Variants in ABLIM1 observed in about 807,000 individuals in gnomAD.
ABLIM1 encodes actin-binding LIM protein 1.
A neutral mutation model predicts 107.0 loss-of-function variants in ABLIM1; 40 were observed. The ratio of observed to expected loss-of-function variants is 0.37; its 90% confidence interval spans 0.29 to 0.49. The LOEUF (loss-of-function observed/expected upper bound fraction) is 0.49, where lower values mean the gene tolerates loss of function less well. Ranked by LOEUF, ABLIM1 falls within the 20% of genes least tolerant of loss-of-function variation. The probability of loss-of-function intolerance (pLI) is 0.97; values close to 1 mark genes in which losing one functional copy is unlikely to be tolerated. For synonymous variants in ABLIM1, 357 were observed against 357.3 expected (o/e 1.00, Z 0.01); for missense variants, 857 against 1,008.5 (o/e 0.85, Z 2.04).
At chr10:114,646,605 G>A (rs2079021996) in intron 1 of ABLIM1, among the ~76,000 whole-genome samples, 1 of 152,204 alleles carries the variant, frequency 6.6e-6, no homozygotes, top group Non-Finnish European at 1.5e-5. Flanking sequence ...CAAACGGTAT[G>A]AAGATTCAAA....
chr10:114,730,294 A>C (rs2082045028), intron 1 of ABLIM1, among the ~76,000 whole-genome samples: 1 of 149,752 alleles, frequency 6.7e-6, no homozygotes, highest in South Asian at 2.1e-4. Flanking sequence ...GCTACTCAGG[A>C]GGCTGAGGCA....
At chr10:114,799,245 G>A in the ABLIM1 span, among the ~76,000 whole-genome samples, 8 of 152,126 alleles carry the variant, frequency 5.3e-5, no homozygotes, top group Admixed American at 5.2e-4. Context: ...AGTACCTCTG[G>A]GTCATTCCTT....
intron 12 of ABLIM1, among the ~76,000 whole-genome samples, chr10:114,464,417 C>G (rs997449165): frequency 2.0e-5 from 3 of 152,058 alleles, no homozygotes; most frequent in Non-Finnish European, 4.4e-5. Flanking sequence ...AACTCTTGAC[C>G]TCAGGTGATC....
At chr10:114,605,487 T>C (rs955786859) in intron 1 of ABLIM1, among the ~76,000 whole-genome samples, 6 of 152,182 alleles carry the variant, frequency 3.9e-5, no homozygotes, top group Admixed American at 1.3e-4. Context: ...AGAGTTTACA[T>C]TCCTTGCCCA....
chr10:114,742,002 A>T (rs891372262), intron 1 of ABLIM1, among the ~76,000 whole-genome samples: 1 of 152,212 alleles, frequency 6.6e-6, no homozygotes, highest in African/African-American at 2.4e-5. Context: ...AACAAAACAT[A>T]AGTACAGAAT....
chr10:114,705,565 G>C (rs2081403889), intron 1 of ABLIM1, among the ~76,000 whole-genome samples: 1 of 152,164 alleles, frequency 6.6e-6, no homozygotes, highest in Non-Finnish European at 1.5e-5. Context: ...AGATGGTTTG[G>C]GGATGGGCAA....
At chr10:114,738,531 G>A (rs1591917520) in intron 1 of ABLIM1, among the ~76,000 whole-genome samples, 1 of 152,056 alleles carries the variant, frequency 6.6e-6, no homozygotes, top group East Asian at 1.9e-4. Flanking sequence ...ATTCAATTAA[G>A]GAGAAAAAAT....
chr10:114,646,254 A>G (rs772260120), intron 1 of ABLIM1, among the ~76,000 whole-genome samples: 15 of 152,184 alleles, frequency 9.9e-5, no homozygotes, highest in Non-Finnish European at 1.8e-4. Context: ...GCATTTACCA[A>G]TATGCTTCAT....
chr10:114,556,942 C>T (rs150659310), intron 4 of ABLIM1, among the ~76,000 whole-genome samples: 6 of 152,258 alleles, frequency 3.9e-5, no homozygotes, highest in East Asian at 3.9e-4. Flanking sequence ...AAATTTGTTA[C>T]GCTAAGCACT....
chr10:114,676,303 AC>A (rs1401910557), intron 1 of ABLIM1, among the ~76,000 whole-genome samples: 2 of 152,150 alleles, frequency 1.3e-5, no homozygotes, highest in East Asian at 3.9e-4. Context: ...ATGGCAAAAT[AC>A]CGTCTCTACT....
At chr10:114,583,456 CACACACACACACATATATATATAT>C (rs1566009112) in intron 2 of ABLIM1, among the ~76,000 whole-genome samples, 34 of 13,474 alleles carry the variant, frequency 2.5e-3, no homozygotes, top group African/African-American at 7.3e-3. Context: ...CACACACACA[CACACACACACACATATATATATAT>C]ATATATATAT....
At chr10:114,451,803 C>A in intron 13 of ABLIM1, 132 bp from the exon 14 acceptor site, 1 of 779,978 alleles carries the variant, frequency 1.3e-6, no homozygotes, top group South Asian at 1.8e-5. Context: ...TTCTGTATTA[C>A]AAAGATTGAG....
At chr10:114,596,528 A>G (rs2075431356) in intron 2 of ABLIM1, among the ~76,000 whole-genome samples, 1 of 152,162 alleles carries the variant, frequency 6.6e-6, no homozygotes, top group Non-Finnish European at 1.5e-5. Flanking sequence ...CACAAAATAC[A>G]ACATGTAGTA....
chr10:114,650,715 G>A (rs941813150), intron 1 of ABLIM1, among the ~76,000 whole-genome samples: 3 of 151,966 alleles, frequency 2.0e-5, no homozygotes, highest in African/African-American at 7.3e-5. Flanking sequence ...CGTATTTTGG[G>A]TAAATCATAT....
chr10:114,791,351 A>C, the ABLIM1 span, among the ~76,000 whole-genome samples: 51 of 152,256 alleles, frequency 3.3e-4, no homozygotes, highest in South Asian at 6.2e-3. Context: ...TAAAAACTTT[A>C]AATATGGCAG....
chr10:114,444,166 A>G, intron 16 of ABLIM1, 32 bp from the exon 17 acceptor site: 2 of 1,503,122 alleles, frequency 1.3e-6, no homozygotes, highest in Non-Finnish European at 1.8e-6. Flanking sequence ...AAAAAAAAAA[A>G]AAGAAAGCAA....
At chr10:114,747,245 T>TG (rs2082403508) in intron 1 of ABLIM1, among the ~76,000 whole-genome samples, 1 of 151,872 alleles carries the variant, frequency 6.6e-6, no homozygotes, top group African/African-American at 2.4e-5. Context: ...GACAGAAAAG[T>TG]GAAGTGGGCC....
At chr10:114,529,809 C>T (rs1450331803) in intron 6 of ABLIM1, among the ~76,000 whole-genome samples, 1 of 152,004 alleles carries the variant, frequency 6.6e-6, no homozygotes, top group Non-Finnish European at 1.5e-5. Flanking sequence ...GGTGGATCAC[C>T]TGAGGTCAGG....
At chr10:114,480,691 A>G (rs2057221697) in intron 8 of ABLIM1, among the ~76,000 whole-genome samples, 1 of 152,228 alleles carries the variant, frequency 6.6e-6, no homozygotes, top group East Asian at 1.9e-4. Flanking sequence ...TTATTTTGGC[A>G]AAAGGAAGAA....
Sources: allele counts gnomAD v4.1 joint callset (sites outside exome capture counted in the v4.1 genomes callset), GRCh38; gene constraint gnomAD v4.1.1; transcripts MANE v1.5; gene names NCBI Gene and HGNC (gene_info 2026-07-23, HGNC 2026-07-21).